The following ST8SIA6 variants were observed in gnomAD, a reference collection of about 807,000 sequenced individuals.
ST8SIA6 encodes ST8 alpha-N-acetyl-neuraminide alpha-2,8-sialyltransferase 6.
Under a neutral mutation model 33.6 loss-of-function variants are expected in ST8SIA6, and 39 were observed. That is an observed-to-expected ratio of 1.16 (90% CI 0.90 to 1.52). The LOEUF (loss-of-function observed/expected upper bound fraction) is 1.52, where lower values mean the gene tolerates loss of function less well. Ranked by LOEUF, ST8SIA6 falls within the 40% of genes most tolerant of loss-of-function variation. The probability of loss-of-function intolerance (pLI) is 0.00; values close to 1 mark genes in which losing one functional copy is unlikely to be tolerated. For missense variants in ST8SIA6, 441 were observed against 443.8 expected, an observed-to-expected ratio of 0.99 and a Z score of 0.06; for synonymous variants, 172 against 167.2, an observed-to-expected ratio of 1.03 and a Z score of -0.22.
chr10:17,435,756 G>C (rs1852235851), intron 2 of ST8SIA6, among the ~76,000 whole-genome samples: 1 of 152,010 alleles, frequency 6.6e-6, no homozygotes, highest in Non-Finnish European at 1.5e-5. Context: ...GAATATTAAT[G>C]GAGAATTTTG....
At chr10:17,448,953 A>C (rs1480935857) in intron 2 of ST8SIA6, among the ~76,000 whole-genome samples, 2 of 151,300 alleles carry the variant, frequency 1.3e-5, no homozygotes, top group Non-Finnish European at 2.9e-5. Flanking sequence ...TCATAATCAA[A>C]ATGAAATTAA....
At chr10:17,436,958 T>C (rs1852284371) in intron 2 of ST8SIA6, among the ~76,000 whole-genome samples, 1 of 152,210 alleles carries the variant, frequency 6.6e-6, no homozygotes, top group South Asian at 2.1e-4. Context: ...ATTAAACTTC[T>C]TTCTTTTGTA....
chr10:17,447,905 T>C (rs1852778040), intron 2 of ST8SIA6, among the ~76,000 whole-genome samples: 1 of 152,112 alleles, frequency 6.6e-6, no homozygotes, highest in Admixed American at 6.5e-5. Context: ...GTTCAAGTGA[T>C]TCTCGTGCCT....
At position 17,454,165 on chromosome 10, in the gene ST8SIA6, C is replaced by T. The variant is rs140398395; in HGVS notation, c.91G>A (p.Gly31Ser). Residue 31 changes from glycine to serine, a missense_variant, in exon 1 of 8, where the codon GGC becomes AGC. By Grantham distance (56) the Gly-to-Ser change is moderately conservative (BLOSUM62 0). Transcript: ENST00000377602. The surrounding 1 kb of genome is among the most constrained non-coding windows in gnomAD (Gnocchi z 4.1). ...GGGTGGGTGGGTTACCTGGCGCGGC[C>T]GGGCGCGTCTGCCGGGCACCAGAGC... is the stretch of plus-strand genomic sequence containing the variant. ...RLLWCPADAP[G>S]RARILVEESR... 0.049 allele frequency: 13,559 copies of T among 276,948 alleles called. 607 individuals carry two copies. The highest frequency in any genetic ancestry group is 0.14 in the African/African-American group (6,289 of 44,518). The allele number at this position is 276,948 out of a possible 1,614,324, so 17.2% of individuals were successfully genotyped here. A position where few individuals can be genotyped will look rare whatever the true frequency, so the allele number is the denominator to read the frequency against.
At chr10:17,431,148 TC>T (rs1447249646) in intron 2 of ST8SIA6, among the ~76,000 whole-genome samples, 2 of 152,186 alleles carry the variant, frequency 1.3e-5, no homozygotes, top group Non-Finnish European at 2.9e-5. Context: ...CGTCCTTTTT[TC>T]TCTTCTCAAC....
At chr10:17,385,079 G>A (rs972014648) in intron 3 of ST8SIA6, among the ~76,000 whole-genome samples, 2 of 152,122 alleles carry the variant, frequency 1.3e-5, no homozygotes, top group African/African-American at 4.8e-5. Flanking sequence ...AGGGTGAAAT[G>A]TGAAAGGAAA....
intron 3 of ST8SIA6, among the ~76,000 whole-genome samples, chr10:17,384,309 C>A (rs1162984591): frequency 6.6e-6 from 1 of 152,202 alleles, no homozygotes; most frequent in African/African-American, 2.4e-5. Context: ...AAATCCATGA[C>A]TGGGCTTGGC....
chr10:17,323,171 A>G lies in ST8SIA6; in HGVS notation c.636-14T>C, dbSNP rs1564398782. The G allele has an allele frequency of 1.1e-5, 18 of 1,608,440 alleles. No individual in the cohort carries two copies. The highest frequency in any genetic ancestry group is 1.4e-5 in the Non-Finnish European group (16 of 1,176,164). On this transcript the variant is annotated splice_polypyrimidine_tract_variant and intron_variant, in intron 6 of 7. Coordinates refer to ENST00000377602, the MANE Select transcript of ST8SIA6 (RefSeq NM_001004470.3). ...GGTAGGTTACACCTGAAATTTGAAA[A>G]GAAAATCATTTTCAAAATAGAACTT...
At chr10:17,425,646 G>A (rs12249444) in intron 2 of ST8SIA6, among the ~76,000 whole-genome samples, 4,871 of 90,494 alleles carry the variant, frequency 0.054, 91 homozygotes, top group South Asian at 0.083. Flanking sequence ...AGGAAGAAAG[G>A]AGGGAGGGAG....
intron 2 of ST8SIA6, among the ~76,000 whole-genome samples, chr10:17,437,662 C>CTTCCTTCT (rs753255469): frequency 0.11 from 11,734 of 108,972 alleles, 1,181 homozygotes; most frequent in East Asian, 0.13. Context: ...TCCTTCCTTC[C>CTTCCTTCT]TTCTGTCTCT....
At chr10:17,326,430 T>A (rs1848130665) in intron 6 of ST8SIA6, among the ~76,000 whole-genome samples, 1 of 152,230 alleles carries the variant, frequency 6.6e-6, no homozygotes, top group Admixed American at 6.5e-5. Context: ...AACCATTTTG[T>A]TTCTATTTTT....
At chr10:17,363,366 T>C (rs1373789520) in intron 3 of ST8SIA6, among the ~76,000 whole-genome samples, 2 of 152,206 alleles carry the variant, frequency 1.3e-5, no homozygotes, top group East Asian at 3.8e-4. Context: ...ACTGTACCCA[T>C]CTTCCTTTTT....
chr10:17,450,420 C>G (rs759730329), intron 2 of ST8SIA6, among the ~76,000 whole-genome samples: 9 of 152,168 alleles, frequency 5.9e-5, no homozygotes, highest in Non-Finnish European at 1.0e-4. Context: ...GGCCCCCTCC[C>G]TAATATACCT....
intron 4 of ST8SIA6, among the ~76,000 whole-genome samples, chr10:17,358,448 A>G (rs898797988): frequency 2.0e-5 from 3 of 152,204 alleles, no homozygotes; most frequent in Non-Finnish European, 2.9e-5. Context: ...TACAAGTTTA[A>G]TGCTTCAAGT....
chr10:17,401,331 A>G (rs112999539), intron 2 of ST8SIA6, among the ~76,000 whole-genome samples: 4,941 of 152,336 alleles, frequency 0.032, 82 homozygotes, highest in South Asian at 0.055. Flanking sequence ...GGAAGAATCA[A>G]TATCGTGAAA....
chr10:17,336,110 C>T (rs1333864789), intron 4 of ST8SIA6, among the ~76,000 whole-genome samples: 1 of 151,958 alleles, frequency 6.6e-6, no homozygotes, highest in Non-Finnish European at 1.5e-5. Flanking sequence ...CGTGCACCGA[C>T]ACGCCCGGCT....
chr10:17,363,398 A>G (rs1445729986), intron 3 of ST8SIA6, among the ~76,000 whole-genome samples: 1 of 152,216 alleles, frequency 6.6e-6, no homozygotes, highest in Non-Finnish European at 1.5e-5. Flanking sequence ...ATAATGATCA[A>G]TGTAGAACTT....
At chr10:17,419,685 C>A (rs997975647) in intron 2 of ST8SIA6, among the ~76,000 whole-genome samples, 2 of 152,214 alleles carry the variant, frequency 1.3e-5, no homozygotes, top group African/African-American at 4.8e-5. Flanking sequence ...GTTCTGATTT[C>A]CCCACCCTCA....
At chr10:17,418,993 C>CAA (rs910044275) in intron 2 of ST8SIA6, among the ~76,000 whole-genome samples, 1,239 of 55,558 alleles carry the variant, frequency 0.022, 54 homozygotes, top group Non-Finnish European at 0.034. Flanking sequence ...GGCTCCATCT[C>CAA]AAAAAAAAAA....
Sources: allele counts gnomAD v4.1 joint callset (sites outside exome capture counted in the v4.1 genomes callset), GRCh38; gene constraint gnomAD v4.1.1; non-coding constraint Gnocchi (gnomAD v3.1); transcripts MANE v1.5; gene names NCBI Gene and HGNC (gene_info 2026-07-23, HGNC 2026-07-21).